Variants in ZNF780B observed in about 807,000 individuals in gnomAD.
ZNF780B encodes the protein zinc finger protein 779.
A neutral mutation model predicts 74.1 loss-of-function variants in ZNF780B; 52 were observed. The observed-to-expected ratio is 0.70, with a 90% CI of 0.56 to 0.88. The LOEUF (loss-of-function observed/expected upper bound fraction) is 0.88, where lower values mean the gene tolerates loss of function less well. ZNF780B is among the 40% of genes least tolerant of loss of function. The pLI is 0.00. For synonymous variants in ZNF780B, 315 were observed against 324.3 expected, an observed-to-expected ratio of 0.97 and a Z score of 0.31; for missense variants, 953 against 1,007.6, an observed-to-expected ratio of 0.95 and a Z score of 0.73.
chr19:40,045,733 A>T (rs771103960), intron 4 of ZNF780B, among the ~76,000 whole-genome samples: 1 of 152,202 alleles, frequency 6.6e-6, no homozygotes, highest in African/African-American at 2.4e-5. Flanking sequence ...CACACCTGTA[A>T]TCCCAGCACT....
chr19:40,048,329 A>T (rs1973035645), intron 3 of ZNF780B, among the ~76,000 whole-genome samples: 1 of 152,234 alleles, frequency 6.6e-6, no homozygotes, highest in Non-Finnish European at 1.5e-5. Context: ...ACAAACAAAG[A>T]AAATCTACAG....
Position 40,034,529 on chromosome 19 carries a change from C to A in ZNF780B, c.2330G>T (p.Gly777Val), listed in dbSNP as rs1972139132. 1 of 1,613,982 alleles carries A rather than the reference C, an allele frequency of 6.2e-7. No homozygotes were observed. The highest frequency in any genetic ancestry group is 8.5e-7 in the Non-Finnish European group (1 of 1,179,972). Residue 777 changes from glycine (G) to valine (V), a missense_variant, in exon 5 of 5, where the codon GGT becomes GTT. By Grantham distance (109) the Gly-to-Val change is moderately radical (BLOSUM62 -3). Coordinates refer to ENST00000434248, the MANE Select transcript of ZNF780B (RefSeq NM_001005851.3). ...CTCCTTACATTCATAGGGTTTCTCA[C>A]CAGTATGAATACTCTGAGGTTGAAC... is the stretch of plus-strand genomic sequence containing the variant. ...NLVQPQSIHT[G>V]EKPYECKECG...
At position 40,031,933 on chromosome 19, in the gene ZNF780B, T is replaced by C; in HGVS notation, c.*2424A>G. 5.4e-6 allele frequency: 2 copies of C among 368,956 alleles called. No homozygotes were observed. The highest frequency in any genetic ancestry group is 7.1e-5 in the Admixed American group (2 of 28,240). 22.9% of individuals were successfully genotyped at this position (368,956 alleles called of 1,614,324 possible). ...CCCAAATGATCATCCTTAGTTTCAC[T>C]AATGCAAGGACCTGTACTTAAATGT... On this transcript the variant is annotated 3_prime_UTR_variant, in exon 5 of 5. Coordinates refer to ENST00000434248, the MANE Select transcript of ZNF780B (RefSeq NM_001005851.3).
chr19:40,037,857 G>T, intron 4 of ZNF780B, among the ~76,000 whole-genome samples: 1 of 146,386 alleles, frequency 6.8e-6, no homozygotes, highest in African/African-American at 2.5e-5. Context: ...TTTGCTCTTT[G>T]TAACAAACAT....
chr19:40,052,738 C>T (rs1228791631), intron 1 of ZNF780B, among the ~76,000 whole-genome samples: 1 of 152,034 alleles, frequency 6.6e-6, no homozygotes, highest in African/African-American at 2.4e-5. Flanking sequence ...TAAAAACAGA[C>T]ACCTAGACAA....
chr19:40,035,339 CCA>C lies in ZNF780B; in HGVS notation c.1518_1519del (p.Cys506TrpfsTer20), dbSNP rs780383479. The C allele has an allele frequency of 2.5e-6, 4 of 1,614,068 alleles. No individual in the cohort carries two copies. Among genetic ancestry groups the C allele is most frequent in the African/African-American group, 1.3e-5 (1 of 75,016 alleles). On this transcript the variant is annotated frameshift_variant, in exon 5 of 5. Transcript: ENST00000434248. LOFTEE classifies it high-confidence loss of function. ...GTTCGAGCCACGATTGAAGGCCTTC[CCA>C]CAGTCTTTACATTCAAATGGTTTCT... is the stretch of plus-strand genomic sequence containing the variant.
At chr19:40,046,873 T>C (rs992490615) in intron 4 of ZNF780B, among the ~76,000 whole-genome samples, 5 of 152,180 alleles carry the variant, frequency 3.3e-5, no homozygotes, top group South Asian at 2.1e-4. Context: ...CATTTCTTAG[T>C]GAAAACACAT....
chr19:40,034,896 T>C lies in ZNF780B; in HGVS notation c.1963A>G (p.Asn655Asp), dbSNP rs1475584676. ...TGAATACTCTGATGTTGAACAAGGTTTGAGACACGATTAAAGGACTTCCCA... is the reference window on the plus strand; with the variant it reads ...TGAATACTCTGATGTTGAACAAGGTCTGAGACACGATTAAAGGACTTCCCA... Reference protein sequence around the residue: ...ECGKSFNRVSNLVQHQSIHAG... With the variant: ...ECGKSFNRVSDLVQHQSIHAG... The change falls in exon 5 of 5, where the codon AAC becomes GAC. Residue 655 changes from asparagine (N) to aspartate (D), a missense_variant. Transcript: ENST00000434248. The C allele has an allele frequency of 1.9e-6, 3 of 1,613,910 alleles. No homozygotes were observed. Among genetic ancestry groups the C allele is most frequent in the South Asian group, 2.2e-5 (2 of 91,058 alleles).
At chr19:40,050,278 A>C in intron 2 of ZNF780B, 46 bp downstream of exon 2, 2 of 1,589,794 alleles carry the variant, frequency 1.3e-6, no homozygotes, top group Non-Finnish European at 1.7e-6. Context: ...CACCTAACCT[A>C]ACCTGAAAGT....
intron 4 of ZNF780B, among the ~76,000 whole-genome samples, chr19:40,044,824 A>C (rs1972858650): frequency 6.6e-6 from 1 of 152,232 alleles, no homozygotes; most frequent in Non-Finnish European, 1.5e-5. Flanking sequence ...AATTAATAAA[A>C]TGATAAGAAT....
Position 40,034,212 on chromosome 19 carries a change from T to C in ZNF780B, c.*145A>G, listed in dbSNP as rs1972117260. The C allele has an allele frequency of 1.4e-6, 1 of 728,190 alleles. No individual in the cohort carries two copies. The highest frequency in any genetic ancestry group is 2.6e-5 in the Admixed American group (1 of 38,690). The allele number at this position is 728,190 out of a possible 1,614,324, so 45.1% of individuals were successfully genotyped here. On this transcript the variant is annotated 3_prime_UTR_variant, in exon 5 of 5. Transcript: ENST00000434248. ...TTTCTCACCAGTATGAATTCTCTGA[T>C]GTACTCTAAGGTTTCTACCACTGGT...
Position 40,034,968 on chromosome 19 carries a change from G to A in ZNF780B, c.1891C>T (p.His631Tyr), listed in dbSNP as rs1213904212. The A allele has an allele frequency of 6.2e-7, 1 of 1,613,964 alleles. No homozygotes were observed. Among genetic ancestry groups the A allele is most frequent in the Non-Finnish European group, 8.5e-7 (1 of 1,180,022 alleles). ...AFSLHTQLNH[H>Y]KNIHTGEKPF... ...TTCTCACCTGTGTGAATGTTCTTAT[G>A]GTGATTAAGCTGGGTGTGAAGACTG... Residue 631 changes from histidine (H) to tyrosine (Y), a missense_variant, in exon 5 of 5, where the codon CAT (histidine) becomes TAT (tyrosine). By Grantham distance (83) the His-to-Tyr change is moderately conservative. Transcript: ENST00000434248.
At position 40,029,288 on chromosome 19, in the gene ZNF780B, A is replaced by G. The variant is rs1971949383; in HGVS notation, c.*5069T>C. The G allele has an allele frequency of 6.5e-6, 1 of 152,772 alleles. No individual in the cohort carries two copies. The highest frequency in any genetic ancestry group is 1.5e-5 in the Non-Finnish European group (1 of 68,210). The allele number at this position is 152,772 out of a possible 1,614,324, so 9.5% of individuals were successfully genotyped here. A position where few individuals can be genotyped will look rare whatever the true frequency, so the allele number is the denominator to read the frequency against. On this transcript the variant is annotated 3_prime_UTR_variant, in exon 5 of 5. Transcript: ENST00000434248. ...CTTTTTCTTCTTTTCTGGGGAGTCTATGAACATTCAAGATAACATCCATGA... is the reference window on the plus strand; with the variant it reads ...CTTTTTCTTCTTTTCTGGGGAGTCTGTGAACATTCAAGATAACATCCATGA...
At chr19:40,053,794 A>G (rs970267798) in intron 1 of ZNF780B, among the ~76,000 whole-genome samples, 5 of 152,368 alleles carry the variant, frequency 3.3e-5, no homozygotes, top group Admixed American at 2.6e-4. Flanking sequence ...ATTCATATTA[A>G]GTAAGCCAAG....
In ZNF780B at chr19:40,034,426, T is replaced by A. The variant is rs780445917; in HGVS notation, c.2433A>T (p.Val811=). The A allele has an allele frequency of 6.2e-6, 10 of 1,614,068 alleles. No homozygotes were observed. In the East Asian group the frequency reaches 2.2e-4, roughly 36 times the overall value. Residue 811 remains valine, a synonymous_variant, in exon 5 of 5, where the codon GTA becomes GTT. Transcript: ENST00000434248. ...KLVQVRNPLN[V]RNVGQPSDIS... is the part of the protein sequence containing the mutation. ...TGTCTGAAGGCTGTCCCACATTTCTTACATTCAAAGGGTTTCTCACCTGTA... is the reference window on the plus strand; with the variant it reads ...TGTCTGAAGGCTGTCCCACATTTCTAACATTCAAAGGGTTTCTCACCTGTA...
chr19:40,051,212 T>TCA (rs571128446), intron 1 of ZNF780B, among the ~76,000 whole-genome samples: 2,438 of 146,964 alleles, frequency 0.017, 58 homozygotes, highest in African/African-American at 0.051. Flanking sequence ...ATAATTATAT[T>TCA]CACACACACA....
At position 40,035,621 on chromosome 19, in the gene ZNF780B, T is replaced by A; in HGVS notation, c.1238A>T (p.Asp413Val). The change falls in exon 5 of 5, where the codon GAT becomes GTT. Residue 413 changes from aspartate to valine, a missense_variant. By Grantham distance (152) the Asp-to-Val change is radical. Transcript: ENST00000434248. ...NLIQHQSIHA[D>V]VKPYECKECG... is the part of the protein sequence containing the mutation. Reference sequence around the variant, plus strand: ...CTCCTTACATTCATATGGTTTTACATCAGCATGAATACTCTGGTGTTGAAT... The same window carrying A: ...CTCCTTACATTCATATGGTTTTACAACAGCATGAATACTCTGGTGTTGAAT... 6.2e-7 allele frequency: 1 copy of A among 1,613,418 alleles called. No homozygotes were observed. The highest frequency in any genetic ancestry group is 8.5e-7 in the Non-Finnish European group (1 of 1,179,848).
chr19:40,030,374 C>T lies in ZNF780B; in HGVS notation c.*3983G>A, dbSNP rs1971965825. The T allele has an allele frequency of 6.6e-6, 1 of 152,142 alleles. No individual in the cohort carries two copies. Among genetic ancestry groups the T allele is most frequent in the Non-Finnish European group, 1.5e-5 (1 of 68,026 alleles). The allele number at this position is 152,142 out of a possible 1,614,324, so 9.4% of individuals were successfully genotyped here. A position where few individuals can be genotyped will look rare whatever the true frequency, so the allele number is the denominator to read the frequency against. On this transcript the variant is annotated 3_prime_UTR_variant, in exon 5 of 5. Transcript: ENST00000434248. Reference sequence around the variant, plus strand: ...ACTAACAGAGTGATAATTCACCCCCCAATCCAGAGAGGACATTAATTTATT... The same window carrying T: ...ACTAACAGAGTGATAATTCACCCCCTAATCCAGAGAGGACATTAATTTATT...
At chr19:40,053,765 C>T (rs1973347847) in intron 1 of ZNF780B, among the ~76,000 whole-genome samples, 1 of 152,184 alleles carries the variant, frequency 6.6e-6, no homozygotes, top group African/African-American at 2.4e-5. Flanking sequence ...TTCGCAACAA[C>T]ATGGATGAAC....
Sources: gnomAD v4.1 joint callset for allele counts (sites outside exome capture counted in the v4.1 genomes callset) on GRCh38, gnomAD v4.1.1 for gene constraint, MANE v1.5 for transcripts, NCBI Gene and HGNC (gene_info 2026-07-23, HGNC 2026-07-21) for gene names.